Variants in DLGAP1 observed in about 807,000 individuals in gnomAD.
DLGAP1 encodes disks large-associated protein 1.
In DLGAP1, 11 loss-of-function variants were observed where a neutral mutation model predicts 90.8. The observed-to-expected ratio is 0.12, with a 90% CI of 0.08 to 0.20. The LOEUF is 0.20. Ranked by LOEUF, DLGAP1 falls within the 10% of genes least tolerant of loss-of-function variation. The probability of loss-of-function intolerance (pLI) is 1.00; values close to 1 mark genes in which losing one functional copy is unlikely to be tolerated. For missense variants in DLGAP1, 1,050 were observed against 1,333.8 expected (o/e 0.79, Z 3.31); for synonymous variants, 558 against 540.7 (o/e 1.03, Z -0.44).
intron 7 of DLGAP1, among the ~76,000 whole-genome samples, chr18:3,722,968 A>G (rs997458181): frequency 7.9e-5 from 12 of 152,124 alleles, no homozygotes; most frequent in African/African-American, 2.9e-4. Flanking sequence ...TTACTGAGAG[A>G]CCTGAGCTTC....
intron 6 of DLGAP1, among the ~76,000 whole-genome samples, chr18:3,741,055 CCAT>C (rs1191841474): frequency 3.4e-4 from 43 of 126,100 alleles, no homozygotes; most frequent in African/African-American, 1.1e-3. Flanking sequence ...ACCACCACCA[CCAT>C]CACCACCACC....
At chr18:4,266,892 A>G (rs1157230923) in intron 1 of DLGAP1, among the ~76,000 whole-genome samples, 1 of 152,218 alleles carries the variant, frequency 6.6e-6, no homozygotes, top group African/African-American at 2.4e-5. Context: ...ACAAGCAAAT[A>G]AAAGACTCCA....
chr18:3,501,116 T>G (rs1007711389), intron 12 of DLGAP1, among the ~76,000 whole-genome samples: 1 of 151,720 alleles, frequency 6.6e-6, no homozygotes, highest in Admixed American at 6.6e-5. Flanking sequence ...CGTTTCACCA[T>G]ATTGTTGCCC....
At chr18:3,960,825 T>G (rs193188792) in intron 3 of DLGAP1, among the ~76,000 whole-genome samples, 3 of 152,320 alleles carry the variant, frequency 2.0e-5, no homozygotes, top group Non-Finnish European at 4.4e-5. Flanking sequence ...GGAAGCTCGA[T>G]TCTGTGCAGT....
chr18:3,557,822 A>G (rs502714), intron 9 of DLGAP1, among the ~76,000 whole-genome samples: 91,782 of 151,584 alleles, frequency 0.61, 30,867 homozygotes, highest in Admixed American at 0.73. Context: ...AGCTACTCGG[A>G]AGGCTGAGGC....
intron 9 of DLGAP1, among the ~76,000 whole-genome samples, chr18:3,561,253 T>TAAAAA (rs1222676731): frequency 1.5e-5 from 1 of 66,370 alleles, no homozygotes; most frequent in African/African-American, 7.2e-5. Context: ...CCGTCTCTAC[T>TAAAAA]AAAAAAAAAA....
At chr18:4,248,618 A>C (rs2078707195) in intron 1 of DLGAP1, 1 of 152,224 alleles carries the variant, frequency 6.6e-6, no homozygotes, top group Non-Finnish European at 1.5e-5. Flanking sequence ...AGCTGCCCTG[A>C]ACTCCAGACT....
intron 7 of DLGAP1, among the ~76,000 whole-genome samples, chr18:3,679,284 G>A (rs1337527103): frequency 7.1e-6 from 1 of 141,048 alleles, no homozygotes; most frequent in Admixed American, 7.6e-5. Context: ...CCTTAATTCT[G>A]TACTAGTTGG....
At chr18:4,012,442 G>A (rs1453356358) in intron 2 of DLGAP1, among the ~76,000 whole-genome samples, 2 of 152,070 alleles carry the variant, frequency 1.3e-5, no homozygotes, top group Non-Finnish European at 2.9e-5. Context: ...CTGCACCACA[G>A]CCTCACAACA....
At chr18:4,442,083 C>T (rs1369529153) in intron 1 of DLGAP1, among the ~76,000 whole-genome samples, 2 of 152,216 alleles carry the variant, frequency 1.3e-5, no homozygotes, top group Non-Finnish European at 2.9e-5. Flanking sequence ...CCTCCATCTC[C>T]TGGGTTCAAG....
At chr18:3,647,983 A>G (rs900724407) in intron 7 of DLGAP1, among the ~76,000 whole-genome samples, 15 of 152,218 alleles carry the variant, frequency 9.9e-5, no homozygotes, top group African/African-American at 3.4e-4. Flanking sequence ...TAAGGAGGGC[A>G]TGTATAAAAT....
chr18:4,020,148 G>T (rs1416080869), intron 2 of DLGAP1, among the ~76,000 whole-genome samples: 1 of 152,100 alleles, frequency 6.6e-6, no homozygotes, highest in Admixed American at 6.5e-5. Context: ...AGAATAGACT[G>T]TAAATGTTTC....
intron 1 of DLGAP1, among the ~76,000 whole-genome samples, chr18:4,297,146 CAG>C (rs2080002904): frequency 6.6e-6 from 1 of 152,060 alleles, no homozygotes; most frequent in African/African-American, 2.4e-5. Flanking sequence ...TCTTCAACAA[CAG>C]TATAAGGAAG....
intron 2 of DLGAP1, among the ~76,000 whole-genome samples, chr18:4,090,456 A>G (rs1299018990): frequency 6.6e-6 from 1 of 152,242 alleles, no homozygotes; most frequent in Non-Finnish European, 1.5e-5. Flanking sequence ...CACTTCTTCA[A>G]AGAAGACATT....
intron 4 of DLGAP1, among the ~76,000 whole-genome samples, chr18:3,818,714 G>T (rs2067235979): frequency 6.6e-6 from 1 of 151,304 alleles, no homozygotes; most frequent in South Asian, 2.1e-4. Context: ...AGATTCTCCT[G>T]CCTCCCTAGT....
chr18:3,504,962 G>T (rs534672588), intron 11 of DLGAP1, among the ~76,000 whole-genome samples: 1 of 152,274 alleles, frequency 6.6e-6, no homozygotes, highest in East Asian at 1.9e-4. Context: ...GTTTAGTTAC[G>T]TTGGAAGAGG....
At chr18:4,348,893 T>G (rs1020412656) in intron 1 of DLGAP1, among the ~76,000 whole-genome samples, 1 of 152,090 alleles carries the variant, frequency 6.6e-6, no homozygotes, top group Admixed American at 6.6e-5. Flanking sequence ...ATCCTTAGAA[T>G]GAAATTCAAA....
intron 11 of DLGAP1, among the ~76,000 whole-genome samples, chr18:3,507,022 G>A (rs958883909): frequency 1.3e-5 from 2 of 151,956 alleles, no homozygotes; most frequent in Admixed American, 6.5e-5. Flanking sequence ...AAACGTGTGT[G>A]TATGGGGCAG....
At chr18:4,129,926 G>T (rs1395475830) in intron 2 of DLGAP1, among the ~76,000 whole-genome samples, 6 of 152,144 alleles carry the variant, frequency 3.9e-5, no homozygotes, top group Non-Finnish European at 8.8e-5. Flanking sequence ...CTTAGCTATT[G>T]ATGACATATC....
Sources: allele counts gnomAD v4.1 joint callset (sites outside exome capture counted in the v4.1 genomes callset), GRCh38; gene constraint gnomAD v4.1.1; transcripts MANE v1.5; gene names NCBI Gene and HGNC (gene_info 2026-07-23, HGNC 2026-07-21).